Variants in CHRM3 observed in about 807,000 individuals in gnomAD.
CHRM3 encodes muscarinic acetylcholine receptor M3.
A neutral mutation model predicts 41.8 loss-of-function variants in CHRM3; 11 were observed. The ratio of observed to expected loss-of-function variants is 0.26; its 90% confidence interval spans 0.17 to 0.44. The LOEUF (loss-of-function observed/expected upper bound fraction) is 0.44. Ranked by LOEUF, CHRM3 falls within the 20% of genes least tolerant of loss-of-function variation. The pLI is 1.00. For synonymous variants in CHRM3, 297 were observed against 301.4 expected (o/e 0.99, Z 0.15); for missense variants, 571 against 745.4 (o/e 0.77, Z 2.72).
chr1:239,556,840 G>A (rs1032489194), intron 3 of CHRM3, among the ~76,000 whole-genome samples: 3 of 152,120 alleles, frequency 2.0e-5, no homozygotes, highest in Non-Finnish European at 4.4e-5. Context: ...ACTCTCCCTA[G>A]GAGAGTCACA....
At chr1:239,669,337 C>T (rs1674131114) in intron 4 of CHRM3, among the ~76,000 whole-genome samples, 1 of 152,132 alleles carries the variant, frequency 6.6e-6, no homozygotes. Flanking sequence ...CTTGTAAGGA[C>T]AAGTTGTTAT....
intron 3 of CHRM3, among the ~76,000 whole-genome samples, chr1:239,606,927 A>G (rs544996475): frequency 3.3e-5 from 5 of 152,278 alleles, no homozygotes; most frequent in Admixed American, 3.3e-4. Context: ...AAGCCCTGAA[A>G]GGGGGCCTAT....
chr1:239,522,050 ATAG>A (rs1259809765), intron 2 of CHRM3, among the ~76,000 whole-genome samples: 2 of 140,392 alleles, frequency 1.4e-5, no homozygotes, highest in Non-Finnish European at 3.2e-5. Flanking sequence ...CTTTTTTGCC[ATAG>A]TGCTCTTCTT....
chr1:239,864,951 G>T (rs529445859), intron 6 of CHRM3, among the ~76,000 whole-genome samples: 1 of 152,248 alleles, frequency 6.6e-6, no homozygotes, highest in East Asian at 1.9e-4. Context: ...GGTGGAGAAG[G>T]TGACAACATC....
At chr1:239,689,239 A>G (rs1659473032) in intron 5 of CHRM3, among the ~76,000 whole-genome samples, 1 of 151,992 alleles carries the variant, frequency 6.6e-6, no homozygotes, top group Non-Finnish European at 1.5e-5. Context: ...TTGTTGAAAA[A>G]TATAGGATGA....
At chr1:239,819,570 T>C (rs527569871) in intron 5 of CHRM3, among the ~76,000 whole-genome samples, 1 of 152,282 alleles carries the variant, frequency 6.6e-6, no homozygotes, top group African/African-American at 2.4e-5. Context: ...TCAATAAATA[T>C]ATAAAAGCCT....
chr1:239,681,894 A>G (rs755922326), intron 5 of CHRM3, among the ~76,000 whole-genome samples: 1 of 151,978 alleles, frequency 6.6e-6, no homozygotes, highest in African/African-American at 2.4e-5. Context: ...ACTGGTCTCA[A>G]AAAAAAAGAA....
chr1:239,611,704 C>A (rs934970759), intron 3 of CHRM3, among the ~76,000 whole-genome samples: 1 of 152,146 alleles, frequency 6.6e-6, no homozygotes, highest in African/African-American at 2.4e-5. Context: ...CAGGCATGAG[C>A]CACCGCACCC....
At chr1:239,714,945 A>T (rs1374198019) in intron 5 of CHRM3, among the ~76,000 whole-genome samples, 1 of 152,138 alleles carries the variant, frequency 6.6e-6, no homozygotes, top group Non-Finnish European at 1.5e-5. Flanking sequence ...GCTGAGAAAG[A>T]GTACTGTGGA....
intron 6 of CHRM3, among the ~76,000 whole-genome samples, chr1:239,893,400 G>T (rs1231073104): frequency 6.6e-6 from 1 of 152,152 alleles, no homozygotes; most frequent in African/African-American, 2.4e-5. Context: ...TGGAAGATCT[G>T]CTTACTAGGG....
chr1:239,702,645 T>C (rs1227752452), intron 5 of CHRM3, among the ~76,000 whole-genome samples: 3 of 152,232 alleles, frequency 2.0e-5, no homozygotes, highest in African/African-American at 7.2e-5. Context: ...CTCACTCTGT[T>C]GCCCAGGCTG....
At chr1:239,721,016 G>A (rs1162509669) in intron 5 of CHRM3, among the ~76,000 whole-genome samples, 1 of 151,862 alleles carries the variant, frequency 6.6e-6, no homozygotes, top group Non-Finnish European at 1.5e-5. Flanking sequence ...ATTATAAAAT[G>A]AGAATTGTAT....
intron 6 of CHRM3, among the ~76,000 whole-genome samples, chr1:239,841,587 G>A (rs1442859091): frequency 1.3e-5 from 2 of 152,188 alleles, no homozygotes; most frequent in East Asian, 3.9e-4. Context: ...AAGGGCAATG[G>A]ACTGGAATCC....
At chr1:239,567,027 C>G (rs1209774605) in intron 3 of CHRM3, among the ~76,000 whole-genome samples, 2 of 152,102 alleles carry the variant, frequency 1.3e-5, no homozygotes, top group African/African-American at 4.8e-5. Flanking sequence ...TTGAATGGAG[C>G]AATCATAGAT....
chr1:239,722,530 G>T (rs1188629746), intron 5 of CHRM3, among the ~76,000 whole-genome samples: 1 of 151,770 alleles, frequency 6.6e-6, no homozygotes, highest in Non-Finnish European at 1.5e-5. Context: ...TTGTGACTTT[G>T]GTTTTTAGTT....
chr1:239,404,458 G>GAA (rs1319046479), intron 1 of CHRM3, among the ~76,000 whole-genome samples: 1 of 138,906 alleles, frequency 7.2e-6, no homozygotes, highest in African/African-American at 2.8e-5. Context: ...AAGAAAGAAA[G>GAA]AAAGAAAGAA....
chr1:239,421,451 G>T (rs780711854), intron 1 of CHRM3, among the ~76,000 whole-genome samples: 2 of 152,062 alleles, frequency 1.3e-5, no homozygotes, highest in South Asian at 2.1e-4. Flanking sequence ...TTTTTATAAG[G>T]TTTACTGTGT....
chr1:239,825,584 T>C (rs751060068), intron 5 of CHRM3, among the ~76,000 whole-genome samples: 2 of 152,222 alleles, frequency 1.3e-5, no homozygotes, highest in African/African-American at 2.4e-5. Context: ...CCTACATTCA[T>C]AGCAGCATTA....
At chr1:239,891,504 C>T (rs1418217196) in intron 6 of CHRM3, among the ~76,000 whole-genome samples, 2 of 152,046 alleles carry the variant, frequency 1.3e-5, no homozygotes, top group African/African-American at 2.4e-5. Flanking sequence ...CATAACTTCC[C>T]GTCAGAAGCA....
Sources: allele counts gnomAD v4.1 joint callset (sites outside exome capture counted in the v4.1 genomes callset), GRCh38; gene constraint gnomAD v4.1.1; transcripts MANE v1.5; gene names NCBI Gene and HGNC (gene_info 2026-07-23, HGNC 2026-07-21).